The following GTF2H1 variants were observed in gnomAD, a reference collection of about 807,000 sequenced individuals.
GTF2H1 encodes general transcription factor IIH subunit 1.
In GTF2H1, 16 loss-of-function variants were observed where a neutral mutation model predicts 71.2. The ratio of observed to expected loss-of-function variants is 0.22; its 90% CI spans 0.15 to 0.34. The LOEUF (loss-of-function observed/expected upper bound fraction) is 0.34. Among genes scored for constraint, GTF2H1 ranks in the 10% least tolerant of loss-of-function variants. GTF2H1 has a pLI of 1.00. For synonymous variants in GTF2H1, 215 were observed against 219.0 expected (o/e 0.98, Z 0.16); for missense variants, 498 against 648.2 (o/e 0.77, Z 2.52).
chr11:18,332,345 ACT>A (rs916213307), intron 1 of GTF2H1, among the ~76,000 whole-genome samples: 3 of 152,254 alleles, frequency 2.0e-5, no homozygotes, highest in African/African-American at 7.2e-5. Flanking sequence ...AGTTTTTCTC[ACT>A]GAGTCCAGAC....
At chr11:18,355,389 C>T (rs1056706775) in intron 11 of GTF2H1, among the ~76,000 whole-genome samples, 23 of 152,050 alleles carry the variant, frequency 1.5e-4, no homozygotes, top group Middle Eastern at 3.4e-3. Context: ...GTGATCCACC[C>T]GCCTCAGCCT....
intron 14 of GTF2H1, among the ~76,000 whole-genome samples, chr11:18,364,697 A>C (rs553292506): frequency 1.4e-4 from 22 of 152,236 alleles, no homozygotes; most frequent in Non-Finnish European, 2.9e-4. Flanking sequence ...GACCCAAGAC[A>C]TGACATAGCA....
chr11:18,343,844 C>T (rs1865221736), intron 7 of GTF2H1, among the ~76,000 whole-genome samples: 1 of 152,060 alleles, frequency 6.6e-6, no homozygotes, highest in Admixed American at 6.6e-5. Context: ...GATTCTTCCT[C>T]TTCTTTTTTA....
At chr11:18,349,942 C>G (rs953874618) in intron 9 of GTF2H1, among the ~76,000 whole-genome samples, 1 of 152,168 alleles carries the variant, frequency 6.6e-6, no homozygotes, top group African/African-American at 2.4e-5. Context: ...TGTTGAATAT[C>G]TCATGTAACT....
chr11:18,349,075 A>G (rs1457798891), intron 9 of GTF2H1, among the ~76,000 whole-genome samples: 1 of 152,100 alleles, frequency 6.6e-6, no homozygotes, highest in African/African-American at 2.4e-5. Flanking sequence ...TTGTATTTTT[A>G]GTAGAGACGG....
chr11:18,334,949 TA>T (rs1281161765), intron 2 of GTF2H1, among the ~76,000 whole-genome samples: 9 of 151,820 alleles, frequency 5.9e-5, no homozygotes, highest in African/African-American at 1.5e-4. Flanking sequence ...GTTTTTGGTT[TA>T]TTTTTTTATT....
At chr11:18,329,286 G>A (rs1248031503) in intron 1 of GTF2H1, among the ~76,000 whole-genome samples, 1 of 152,190 alleles carries the variant, frequency 6.6e-6, no homozygotes, top group East Asian at 1.9e-4. Context: ...GCATGACTCA[G>A]CAGTACCTCA....
At chr11:18,362,832 A>C (rs1865736335) in intron 14 of GTF2H1, among the ~76,000 whole-genome samples, 1 of 151,294 alleles carries the variant, frequency 6.6e-6, no homozygotes, top group African/African-American at 2.4e-5. Flanking sequence ...CACCACGCCC[A>C]GCTAATTTTT....
At chr11:18,331,867 T>C (rs938114261) in intron 1 of GTF2H1, among the ~76,000 whole-genome samples, 17 of 152,344 alleles carry the variant, frequency 1.1e-4, no homozygotes, top group Middle Eastern at 6.8e-3. Flanking sequence ...GTTCCCATTT[T>C]ATTTGTTTAG....
intron 1 of GTF2H1, among the ~76,000 whole-genome samples, chr11:18,327,365 C>T (rs546080274): frequency 6.6e-6 from 1 of 151,736 alleles, no homozygotes; most frequent in Admixed American, 6.6e-5. Context: ...GTATCTATCC[C>T]TTCATTCGCA....
At chr11:18,334,361 G>A (rs943072258) in intron 2 of GTF2H1, among the ~76,000 whole-genome samples, 4 of 152,148 alleles carry the variant, frequency 2.6e-5, no homozygotes, top group Non-Finnish European at 4.4e-5. Context: ...GTCTGGGTGC[G>A]AGACTCCTTC....
chr11:18,346,889 G>A (rs774404260), intron 7 of GTF2H1, among the ~76,000 whole-genome samples: 8 of 150,696 alleles, frequency 5.3e-5, no homozygotes, highest in Non-Finnish European at 1.2e-4. Context: ...ACAGGTGTGT[G>A]CCACCATACC....
intron 9 of GTF2H1, among the ~76,000 whole-genome samples, chr11:18,350,800 A>G (rs1218613407): frequency 6.6e-6 from 1 of 152,232 alleles, no homozygotes; most frequent in Non-Finnish European, 1.5e-5. Flanking sequence ...GATTTGCACA[A>G]ATGTTTACAT....
intron 1 of GTF2H1, among the ~76,000 whole-genome samples, chr11:18,323,726 T>C (rs898647124): frequency 6.6e-6 from 1 of 152,238 alleles, no homozygotes; most frequent in African/African-American, 2.4e-5. Flanking sequence ...CAGCATGCTC[T>C]GGTGGAACTA....
intron 11 of GTF2H1, among the ~76,000 whole-genome samples, chr11:18,352,784 G>C (rs1008869494): frequency 1.8e-4 from 28 of 152,266 alleles, no homozygotes; most frequent in Admixed American, 1.7e-3. Context: ...ATGTAAAACA[G>C]CTCATCATTG....
chr11:18,352,703 A>C lies in GTF2H1; in HGVS notation c.1260+257A>C, dbSNP rs981925933. Among the ~76,000 whole-genome samples the C allele has an allele frequency of 3.9e-5, 6 of 152,366 alleles. No individual in the cohort carries two copies. The South Asian group carries it at 1.0e-3, about 26-fold the overall frequency. Reference sequence around the variant, plus strand: ...TTACTTCCATATACTTTTATTGGGAAAATCTCCCAGGTTTCCAAATTCTGT... The same window carrying C: ...TTACTTCCATATACTTTTATTGGGACAATCTCCCAGGTTTCCAAATTCTGT... On this transcript the variant is annotated intron_variant, in intron 11 of 14. Transcript: ENST00000265963.
intron 1 of GTF2H1, among the ~76,000 whole-genome samples, chr11:18,331,272 T>G (rs1280761870): frequency 6.6e-6 from 1 of 152,046 alleles, no homozygotes; most frequent in Non-Finnish European, 1.5e-5. Context: ...CCCAGACTGG[T>G]CTCGAGCTCC....
rs75644482 is a variant in GTF2H1 at position 18,345,796 on chromosome 11, G to GTCTTTTT, written c.838-1791_838-1790insCTTTTTT. ...GAGCCACCACACCCAGCACATATGA[G>GTCTTTTT]TTTTTTTTTTTTTGAGACGGAGTCT... On this transcript the variant is annotated intron_variant, in intron 7 of 14. Coordinates refer to ENST00000265963, the MANE Select transcript of GTF2H1 (RefSeq NM_005316.4). Among the ~76,000 whole-genome samples, 9 of 125,214 alleles carry GTCTTTTT rather than the reference G, an allele frequency of 7.2e-5. 2 individuals carry two copies. The highest frequency in any genetic ancestry group is 1.6e-5 in the Non-Finnish European group (1 of 60,770). The allele number at this position is 125,214 out of a possible 152,430, so 82.1% of individuals were successfully genotyped here.
intron 1 of GTF2H1, among the ~76,000 whole-genome samples, chr11:18,332,311 T>C (rs960440455): frequency 2.6e-5 from 4 of 152,206 alleles, no homozygotes; most frequent in African/African-American, 9.6e-5. Flanking sequence ...TCCTGGCCCA[T>C]GGCAGACAGC....
Sources: gnomAD v4.1 joint callset for allele counts (sites outside exome capture counted in the v4.1 genomes callset) on GRCh38, gnomAD v4.1.1 for gene constraint, MANE v1.5 for transcripts, NCBI Gene and HGNC (gene_info 2026-07-23, HGNC 2026-07-21) for gene names.